Variants in RNF157 observed in about 807,000 individuals in gnomAD.
RNF157 encodes the protein ring finger protein 157, also known as E3 ubiquitin ligase RNF157.
A neutral mutation model predicts 88.3 loss-of-function variants in RNF157; 55 were observed. The ratio of observed to expected loss-of-function variants is 0.62; its 90% CI spans 0.50 to 0.78. RNF157 has a LOEUF of 0.78. RNF157 is among the 30% of genes least tolerant of loss of function. RNF157 has a pLI of 0.00. For missense variants in RNF157, 788 were observed against 860.8 expected (o/e 0.92, Z 1.06); for synonymous variants, 334 against 341.2 (o/e 0.98, Z 0.23).
chr17:76,162,556 G>C lies in RNF157; in HGVS notation c.788C>G (p.Ser263Cys). 6.2e-7 allele frequency: 1 copy of C among 1,612,268 alleles called. No individual in the cohort carries two copies. The highest frequency in any genetic ancestry group is 8.5e-7 in the Non-Finnish European group (1 of 1,178,730). Reference sequence around the variant, plus strand: ...AGAATTTTGGGTAAAACTTACCTTAGAATCTTGTGTGTTGTACTTGTTTTC... The same window carrying C: ...AGAATTTTGGGTAAAACTTACCTTACAATCTTGTGTGTTGTACTTGTTTTC... ...GIENKYNTQD[S>C]KVAEDEVSDN... Residue 263 changes from serine to cysteine, a missense_variant, in exon 9 of 19, where the codon TCT (serine) becomes TGT (cysteine). Coordinates refer to ENST00000269391, the MANE Select transcript of RNF157 (RefSeq NM_052916.3).
intron 2 of RNF157, among the ~76,000 whole-genome samples, chr17:76,186,662 G>C (rs562877903): frequency 4.6e-5 from 7 of 151,462 alleles, no homozygotes; most frequent in African/African-American, 1.5e-4. Flanking sequence ...TCTGGGCCGG[G>C]GGGGCAGTGG....
intron 1 of RNF157, among the ~76,000 whole-genome samples, chr17:76,222,346 CAAA>C (rs1162600459): frequency 1.0e-4 from 8 of 78,228 alleles, no homozygotes; most frequent in African/African-American, 1.5e-4. Flanking sequence ...GACCCCGTCT[CAAA>C]AAAAAAAAAA....
chr17:76,206,066 T>C (rs999238641), intron 2 of RNF157, among the ~76,000 whole-genome samples: 1 of 151,694 alleles, frequency 6.6e-6, no homozygotes, highest in Non-Finnish European at 1.5e-5. Context: ...ATTCTCTCTA[T>C]AGAAATTTTT....
At chr17:76,186,981 A>AAATAAAATC (rs2069302781) in intron 2 of RNF157, among the ~76,000 whole-genome samples, 1 of 149,784 alleles carries the variant, frequency 6.7e-6, no homozygotes, top group Non-Finnish European at 1.5e-5. Flanking sequence ...ATAAATAAAT[A>AAATAAAATC]AAATCTCAAC....
chr17:76,161,601 G>T lies in RNF157; in HGVS notation c.999C>A (p.Gly333=), dbSNP rs151104674. Residue 333 remains glycine (G), a synonymous_variant, in exon 11 of 19, where the codon GGC becomes GGA. Coordinates refer to ENST00000269391, the MANE Select transcript of RNF157 (RefSeq NM_052916.3). This position sits in a 1 kb window ranked among gnomAD's most constrained non-coding sequence, Gnocchi z 4.6. ...LQIRAMRKKL[G]PLSPTSFNPI... is the part of the protein sequence containing the mutation. ...GGTTAAAGCTGGTTGGGGACAAGGG[G>T]CCCAATTTTTTCCTCATGGCTCGGA... 2 of 1,614,106 alleles carry T rather than the reference G, an allele frequency of 1.2e-6. No homozygotes were observed. The highest frequency in any genetic ancestry group is 2.2e-5 in the South Asian group (2 of 91,072).
intron 3 of RNF157, 89 bp downstream of exon 3, chr17:76,173,613 G>T (rs1282867838): frequency 3.0e-6 from 3 of 999,496 alleles, no homozygotes; most frequent in Non-Finnish European, 4.6e-6. Flanking sequence ...GGAAACTGCT[G>T]TATGAGTTCC....
intron 16 of RNF157, among the ~76,000 whole-genome samples, chr17:76,154,902 G>T (rs2068738471): frequency 6.6e-6 from 1 of 152,182 alleles, no homozygotes; most frequent in Non-Finnish European, 1.5e-5. Flanking sequence ...AGGTCTATAT[G>T]TGCCCTAGCA....
rs1555651194 is a variant in RNF157, at chr17:76,155,328, G to A, written c.1699-11C>T. ...CTCCGCTGGCAGCCCCTGCAGAAGAGCACAGTTTTTACAGGCTCTTCCATA... is the reference window on the plus strand; with the variant it reads ...CTCCGCTGGCAGCCCCTGCAGAAGAACACAGTTTTTACAGGCTCTTCCATA... On this transcript the variant is annotated splice_polypyrimidine_tract_variant and intron_variant, in intron 15 of 18. Coordinates refer to ENST00000269391, the MANE Select transcript of RNF157 (RefSeq NM_052916.3). 1 of 1,613,708 alleles carries A rather than the reference G, an allele frequency of 6.2e-7. No homozygotes were observed. The highest frequency in any genetic ancestry group is 1.1e-5 in the South Asian group (1 of 91,070).
Position 76,145,176 on chromosome 17 carries a change from C to T in RNF157, c.*59G>A. 8.6e-7 allele frequency: 1 copy of T among 1,162,012 alleles called. No individual in the cohort carries two copies. Among genetic ancestry groups the T allele is most frequent in the Non-Finnish European group, 1.3e-6 (1 of 788,078 alleles). The allele number at this position is 1,162,012 out of a possible 1,614,324, so 72.0% of individuals were successfully genotyped here. On this transcript the variant is annotated 3_prime_UTR_variant, in exon 19 of 19. Coordinates refer to ENST00000269391, the MANE Select transcript of RNF157 (RefSeq NM_052916.3). The stretch of plus-strand genomic sequence containing the variant: ...GCTGAGGATGCCCAGTAGGCAGCAG[C>T]TGAGTGAGGATGGATGGAATGCAGG...
At chr17:76,183,309 G>A (rs1369149146) in intron 2 of RNF157, among the ~76,000 whole-genome samples, 1 of 151,948 alleles carries the variant, frequency 6.6e-6, no homozygotes, top group Admixed American at 6.6e-5. Context: ...GCTAGTTTGG[G>A]GTAGGAACTA....
chr17:76,180,625 A>G (rs2069174179), intron 2 of RNF157, among the ~76,000 whole-genome samples: 1 of 152,030 alleles, frequency 6.6e-6, no homozygotes, highest in Non-Finnish European at 1.5e-5. Context: ...GGGTTTTACT[A>G]TGTTGCCCAG....
Position 76,177,399 on chromosome 17 carries a change from G to A in RNF157, c.208-3609C>T, listed in dbSNP as rs972424347. On this transcript the variant is annotated intron_variant, in intron 2 of 18. Coordinates refer to ENST00000269391, the MANE Select transcript of RNF157 (RefSeq NM_052916.3). ...CTGGCTCTGATCTTAGAGCAGTGTG[G>A]GGCCAAGCCAAGGTGCTGTTGCAGC... 1.4e-4 allele frequency among the ~76,000 whole-genome samples: 21 copies of A among 151,610 alleles called. No homozygotes were observed. The East Asian group carries it at 3.9e-3, about 28-fold the overall frequency.
chr17:76,162,714 C>T, intron 8 of RNF157, 91 bp from the exon 9 acceptor site: 1 of 796,090 alleles, frequency 1.3e-6, no homozygotes, highest in Non-Finnish European at 2.0e-6. Flanking sequence ...TTTTGGTAAC[C>T]AAGGACTACC....
Position 76,202,128 on chromosome 17 carries a change from T to TCTCTCTCACACACACA in RNF157, c.207+10235_207+10236insTGTGTGTGTGAGAGAG, listed in dbSNP as rs1250661867. The stretch of plus-strand genomic sequence containing the variant: ...ATCTCAGTTTCTCTCTCTCTCTCTC[T>TCTCTCTCACACACACA]CACACACACACACACACACACACAC... On this transcript the variant is annotated intron_variant, in intron 2 of 18. Coordinates refer to ENST00000269391, the MANE Select transcript of RNF157 (RefSeq NM_052916.3). Among the ~76,000 whole-genome samples, 345 of 134,640 alleles carry TCTCTCTCACACACACA rather than the reference T, an allele frequency of 2.6e-3. 2 individuals carry two copies. Among genetic ancestry groups the TCTCTCTCACACACACA allele is most frequent in the African/African-American group, 0.01 (330 of 32,042 alleles). The allele number at this position is 134,640 out of a possible 152,430, so 88.3% of individuals were successfully genotyped here.
intron 2 of RNF157, among the ~76,000 whole-genome samples, chr17:76,198,454 C>T (rs1051442836): frequency 7.9e-5 from 12 of 152,138 alleles, no homozygotes; most frequent in Non-Finnish European, 1.3e-4. Flanking sequence ...GTCTACTCCA[C>T]GAGAATAGGT....
intron 2 of RNF157, among the ~76,000 whole-genome samples, chr17:76,205,323 G>A (rs1377853673): frequency 6.6e-6 from 1 of 150,626 alleles, no homozygotes; most frequent in Non-Finnish European, 1.5e-5. Context: ...TTGTAGAGTC[G>A]GGGTTTTGCT....
intron 2 of RNF157, among the ~76,000 whole-genome samples, chr17:76,182,323 T>A (rs1337346919): frequency 6.6e-6 from 1 of 152,136 alleles, no homozygotes; most frequent in Non-Finnish European, 1.5e-5. Flanking sequence ...ATCAGCTTCC[T>A]TTTACCAGCA....
At position 76,157,646 on chromosome 17, in the gene RNF157, C is replaced by G. The variant is rs970820275; in HGVS notation, c.1413+747G>C. ...TACTTAGTCATTGAACAAATACTTA[C>G]TGAGCAACAACAACGTGCCAGGCAC... On this transcript the variant is annotated intron_variant, in intron 13 of 18. Coordinates refer to ENST00000269391, the MANE Select transcript of RNF157 (RefSeq NM_052916.3). This position sits in a 1 kb window ranked among gnomAD's most constrained non-coding sequence, Gnocchi z 5.6. Among the ~76,000 whole-genome samples the G allele has an allele frequency of 6.6e-6, 1 of 152,210 alleles. No homozygotes were observed. The highest frequency in any genetic ancestry group is 1.5e-5 in the Non-Finnish European group (1 of 68,036).
intron 16 of RNF157, chr17:76,154,692 A>T (rs746968900): frequency 3.3e-5 from 8 of 240,888 alleles, no homozygotes; most frequent in Non-Finnish European, 6.4e-5. Flanking sequence ...TAAGATCCCA[A>T]ACCCCATCCA....
Sources: gnomAD v4.1 joint callset for allele counts (sites outside exome capture counted in the v4.1 genomes callset) on GRCh38, gnomAD v4.1.1 for gene constraint, Gnocchi (gnomAD v3.1) non-coding constraint, MANE v1.5 for transcripts, NCBI Gene and HGNC (gene_info 2026-07-23, HGNC 2026-07-21) for gene names.